Variants in ABI3BP observed in about 807,000 individuals in gnomAD.
ABI3BP encodes target of Nesh-SH3.
A neutral mutation model predicts 268.6 loss-of-function variants in ABI3BP; 216 were observed. The ratio of observed to expected loss-of-function variants is 0.80; its 90% CI spans 0.72 to 0.90. ABI3BP has a LOEUF of 0.90. Among genes scored for constraint, ABI3BP ranks in the 40% least tolerant of loss-of-function variants. The probability of loss-of-function intolerance (pLI) is 0.00; values close to 1 mark genes in which losing one functional copy is unlikely to be tolerated. For synonymous variants in ABI3BP, 730 were observed against 730.0 expected (o/e 1.00, Z 0.00); for missense variants, 2,090 against 2,182.4 (o/e 0.96, Z 0.84).
rs1291424430 is a variant in ABI3BP at position 100,825,002 on chromosome 3, G to A, written c.2663-61C>T. 4 of 1,400,682 alleles carry A rather than the reference G, an allele frequency of 2.9e-6. No individual in the cohort carries two copies. The African/African-American group carries it at 4.3e-5, about 15-fold the overall frequency. 86.8% of individuals were successfully genotyped at this position (1,400,682 alleles called of 1,614,324 possible). A position where few individuals can be genotyped will look rare whatever the true frequency, so the allele number is the denominator to read the frequency against. Reference sequence around the variant, plus strand: ...TTATGATTCTGGATACTGAGGAAAGGTTTTTCCAAAGCTTGTCAGATCTCC... The same window carrying A: ...TTATGATTCTGGATACTGAGGAAAGATTTTTCCAAAGCTTGTCAGATCTCC... On this transcript the variant is annotated intron_variant, in intron 35 of 67. Coordinates refer to ENST00000471714, the MANE Select transcript of ABI3BP (RefSeq NM_001375547.2).
At chr3:100,878,380 T>A (rs1423347071) in intron 6 of ABI3BP, among the ~76,000 whole-genome samples, 1 of 152,256 alleles carries the variant, frequency 6.6e-6, no homozygotes, top group African/African-American at 2.4e-5. Flanking sequence ...CACCTTTCTA[T>A]ATTTGCCAAA....
At chr3:100,860,251 ATTAAC>A (rs1478416680) in intron 14 of ABI3BP, among the ~76,000 whole-genome samples, 6 of 152,220 alleles carry the variant, frequency 3.9e-5, no homozygotes, top group African/African-American at 1.4e-4. Context: ...AGACATAAAA[ATTAAC>A]TGTTATAAGG....
rs2056588655 is a variant in ABI3BP, at chr3:100,911,763, C to T, written c.260-9077G>A. The stretch of plus-strand genomic sequence containing the variant: ...ATGTTTCAGTCGATGAGTAGCGTAG[C>T]TTTCTGTTATTATACTTGGTGTTAA... On this transcript the variant is annotated intron_variant, in intron 2 of 67. Coordinates refer to ENST00000471714, the MANE Select transcript of ABI3BP (RefSeq NM_001375547.2). The T allele has an allele frequency of 8.6e-6, 9 of 1,051,604 alleles. No homozygotes were observed. In the Admixed American group the frequency reaches 1.5e-4, roughly 18 times the overall value. 65.1% of individuals were successfully genotyped at this position (1,051,604 alleles called of 1,614,324 possible). A position where few individuals can be genotyped will look rare whatever the true frequency, so the allele number is the denominator to read the frequency against.
intron 51 of ABI3BP, among the ~76,000 whole-genome samples, chr3:100,796,971 C>T (rs890543256): frequency 2.6e-5 from 4 of 151,890 alleles, no homozygotes; most frequent in Non-Finnish European, 5.9e-5. Context: ...TGGCACTTAC[C>T]GTTGCTGGGG....
intron 51 of ABI3BP, among the ~76,000 whole-genome samples, chr3:100,796,795 T>C (rs1407197659): frequency 6.6e-6 from 1 of 152,110 alleles, no homozygotes; most frequent in Non-Finnish European, 1.5e-5. Context: ...AGTCAGTTTT[T>C]GCACAAAGTG....
chr3:100,935,357 A>G (rs2065598541), intron 1 of ABI3BP, among the ~76,000 whole-genome samples: 2 of 152,154 alleles, frequency 1.3e-5, no homozygotes, highest in Admixed American at 1.3e-4. Context: ...TGGTACAAGT[A>G]CCATGATGTT....
chr3:100,751,486 C>CA, intron 67 of ABI3BP, 66 bp downstream of exon 67: 1 of 1,420,506 alleles, frequency 7.0e-7, no homozygotes, highest in Non-Finnish European at 9.3e-7. Flanking sequence ...TTGCTTTCCT[C>CA]AGCTTGATTT....
At chr3:100,866,994 A>G (rs762744496) in intron 9 of ABI3BP, 38 bp from the exon 10 acceptor site, 1 of 1,552,246 alleles carries the variant, frequency 6.4e-7, no homozygotes, top group South Asian at 1.1e-5. Flanking sequence ...TCTCACTTGC[A>G]GTGTCCAAAA....
At chr3:100,873,554 C>G (rs2099131320) in intron 9 of ABI3BP, among the ~76,000 whole-genome samples, 1 of 152,158 alleles carries the variant, frequency 6.6e-6, no homozygotes, top group Non-Finnish European at 1.5e-5. Context: ...ACAGAGAGAT[C>G]ACAGCAAGCC....
chr3:100,819,195 T>C (rs1353404945), intron 40 of ABI3BP, among the ~76,000 whole-genome samples: 1 of 152,202 alleles, frequency 6.6e-6, no homozygotes, highest in Non-Finnish European at 1.5e-5. Flanking sequence ...ACTGCTCTTA[T>C]AAACCCTTCC....
chr3:100,990,802 T>C (rs1400003504), intron 1 of ABI3BP, among the ~76,000 whole-genome samples: 1 of 152,042 alleles, frequency 6.6e-6, no homozygotes, highest in East Asian at 1.9e-4. Context: ...GGATTTTGAA[T>C]GAGAAGCTAG....
At chr3:100,935,273 A>T (rs150739394) in intron 1 of ABI3BP, among the ~76,000 whole-genome samples, 5 of 152,268 alleles carry the variant, frequency 3.3e-5, no homozygotes, top group African/African-American at 1.2e-4. Context: ...GGTTTGTCAA[A>T]GATCAGATGG....
chr3:100,794,304 A>G (rs1430940019), intron 54 of ABI3BP, among the ~76,000 whole-genome samples: 1 of 151,998 alleles, frequency 6.6e-6, no homozygotes. Flanking sequence ...ACCTTGGCCA[A>G]ACTTTTAAAC....
Position 100,842,017 on chromosome 3 carries a change from C to T in ABI3BP, c.1746G>A (p.Leu582=), listed in dbSNP as rs1015336255. The change falls in exon 21 of 68, where the codon CTG becomes CTA. Residue 582 remains leucine (L), a synonymous_variant. Coordinates refer to ENST00000471714, the MANE Select transcript of ABI3BP (RefSeq NM_001375547.2). ...TKPAPEPQTL[L]PSQSTIGPET... ...TATTACCTATTGTTGACTGTGATGGCAGTAGAGTCTGAGGTTCTGGGGCTG... is the reference window on the plus strand; with the variant it reads ...TATTACCTATTGTTGACTGTGATGGTAGTAGAGTCTGAGGTTCTGGGGCTG... The T allele has an allele frequency of 6.5e-7, 1 of 1,534,390 alleles. No homozygotes were observed. The highest frequency in any genetic ancestry group is 8.7e-7 in the Non-Finnish European group (1 of 1,145,802).
intron 2 of ABI3BP, among the ~76,000 whole-genome samples, chr3:100,918,278 A>G (rs1472497604): frequency 6.8e-6 from 1 of 147,010 alleles, no homozygotes; most frequent in East Asian, 2.0e-4. Flanking sequence ...CTATTCATCC[A>G]CCCGTCCACC....
Position 100,750,472 on chromosome 3 carries a change from C to T in ABI3BP, c.*23G>A, listed in dbSNP as rs2095249300. 6.4e-7 allele frequency: 1 copy of T among 1,557,570 alleles called. No homozygotes were observed. Among genetic ancestry groups the T allele is most frequent in the Non-Finnish European group, 8.8e-7 (1 of 1,132,908 alleles). ...ATGATTTTTGTTTGCAATGATGAAACAGAAGGTAACTTTGTGCAGCATCTA... is the reference window on the plus strand; with the variant it reads ...ATGATTTTTGTTTGCAATGATGAAATAGAAGGTAACTTTGTGCAGCATCTA... On this transcript the variant is annotated 3_prime_UTR_variant, in exon 68 of 68. Transcript: ENST00000471714.
intron 6 of ABI3BP, among the ~76,000 whole-genome samples, chr3:100,876,929 A>G (rs1347809317): frequency 6.6e-6 from 1 of 152,180 alleles, no homozygotes; most frequent in Non-Finnish European, 1.5e-5. Context: ...CGGAGGTTGC[A>G]GTAAGCCGAG....
At chr3:100,941,699 A>G (rs1056416772) in intron 1 of ABI3BP, among the ~76,000 whole-genome samples, 10 of 152,112 alleles carry the variant, frequency 6.6e-5, no homozygotes, top group African/African-American at 1.9e-4. Flanking sequence ...TTCAGCACCA[A>G]TTGGCAAGGC....
At chr3:100,983,912 T>C (rs950422596) in intron 1 of ABI3BP, among the ~76,000 whole-genome samples, 1 of 152,080 alleles carries the variant, frequency 6.6e-6, no homozygotes, top group African/African-American at 2.4e-5. Context: ...AGTCTGAAAA[T>C]TTTTTCAAAC....
Sources: gnomAD v4.1 joint callset for allele counts (sites outside exome capture counted in the v4.1 genomes callset) on GRCh38, gnomAD v4.1.1 for gene constraint, MANE v1.5 for transcripts, NCBI Gene and HGNC (gene_info 2026-07-23, HGNC 2026-07-21) for gene names.